The following PRKG1 variants were observed in gnomAD, a reference collection of about 807,000 sequenced individuals.
The protein encoded by PRKG1 is cGMP-dependent protein kinase 1.
PRKG1 carries 35 observed loss-of-function variants against 88.1 expected under a neutral mutation model. The observed-to-expected ratio is 0.40, with a 90% CI of 0.30 to 0.53. The LOEUF is 0.53. PRKG1 is among the 20% of genes least tolerant of loss of function. The pLI is 0.59. For missense variants in PRKG1, 540 were observed against 839.8 expected (o/e 0.64, Z 4.41); for synonymous variants, 303 against 292.5 (o/e 1.04, Z -0.37).
intron 1 of PRKG1, among the ~76,000 whole-genome samples, chr10:51,043,860 G>T (rs1013891640): frequency 2.0e-5 from 3 of 152,184 alleles, no homozygotes; most frequent in African/African-American, 7.2e-5. Context: ...TAGAGTTCTA[G>T]ATTGCTGACA....
intron 2 of PRKG1, among the ~76,000 whole-genome samples, chr10:51,155,665 T>C (rs961002917): frequency 1.3e-5 from 2 of 151,992 alleles, no homozygotes; most frequent in South Asian, 2.1e-4. Flanking sequence ...AATTTGTTTA[T>C]GTGATTGTGG....
chr10:51,128,390 A>T (rs1045612690), intron 1 of PRKG1, among the ~76,000 whole-genome samples: 3 of 152,196 alleles, frequency 2.0e-5, no homozygotes, highest in African/African-American at 7.2e-5. Context: ...TATTTTTATC[A>T]GTATTTTTGT....
At chr10:51,212,402 A>T (rs1281318440) in intron 2 of PRKG1, among the ~76,000 whole-genome samples, 2 of 152,234 alleles carry the variant, frequency 1.3e-5, no homozygotes, top group Non-Finnish European at 2.9e-5. Flanking sequence ...GGACATAAGC[A>T]TGGGCAAGGA....
intron 3 of PRKG1, among the ~76,000 whole-genome samples, chr10:51,709,121 T>C (rs1841680365): frequency 2.0e-5 from 3 of 152,186 alleles, no homozygotes; most frequent in Non-Finnish European, 4.4e-5. Flanking sequence ...TTTCCAAAAA[T>C]AGATCATTTT....
chr10:51,475,867 G>A (rs1011367147), intron 3 of PRKG1, among the ~76,000 whole-genome samples: 7 of 151,958 alleles, frequency 4.6e-5, no homozygotes, highest in East Asian at 1.9e-4. Context: ...AAAAAATTTC[G>A]TTTGATTTTT....
chr10:51,068,324 G>A (rs988127341), intron 1 of PRKG1, among the ~76,000 whole-genome samples: 1 of 151,836 alleles, frequency 6.6e-6, no homozygotes, highest in Non-Finnish European at 1.5e-5. Context: ...CTTTTTGCCT[G>A]CAAAGCCCCC....
At chr10:51,329,451 A>G (rs181947235) in intron 2 of PRKG1, among the ~76,000 whole-genome samples, 2 of 152,310 alleles carry the variant, frequency 1.3e-5, no homozygotes, top group Non-Finnish European at 2.9e-5. Flanking sequence ...CAAAAGACAT[A>G]AGTAATTTAC....
At chr10:51,988,660 C>T (rs981211944) in intron 5 of PRKG1, among the ~76,000 whole-genome samples, 1 of 152,018 alleles carries the variant, frequency 6.6e-6, no homozygotes, top group Middle Eastern at 3.2e-3. Context: ...TGTGAATTAT[C>T]TATGCATATC....
At chr10:52,071,281 C>T (rs778548922) in intron 7 of PRKG1, among the ~76,000 whole-genome samples, 6 of 152,120 alleles carry the variant, frequency 3.9e-5, no homozygotes, top group Admixed American at 1.3e-4. Context: ...AGATTTTCAA[C>T]CCTTGCCTCC....
chr10:51,231,763 A>G (rs974502946), intron 2 of PRKG1, among the ~76,000 whole-genome samples: 1 of 151,812 alleles, frequency 6.6e-6, no homozygotes, highest in Non-Finnish European at 1.5e-5. Flanking sequence ...TTTCTGGAGA[A>G]TTGATAAACT....
chr10:51,917,094 G>T (rs1473329947), intron 5 of PRKG1, among the ~76,000 whole-genome samples: 3 of 152,062 alleles, frequency 2.0e-5, no homozygotes, highest in Non-Finnish European at 4.4e-5. Context: ...GAGGCAGGCG[G>T]ATCACCTGAA....
chr10:51,452,738 T>G (rs1439586753), intron 2 of PRKG1, among the ~76,000 whole-genome samples: 1 of 151,992 alleles, frequency 6.6e-6, no homozygotes, highest in Admixed American at 6.6e-5. Flanking sequence ...TCAGGGATAT[T>G]GGTCTGTAGT....
At chr10:51,461,328 A>T (rs1839738645) in intron 2 of PRKG1, among the ~76,000 whole-genome samples, 1 of 152,196 alleles carries the variant, frequency 6.6e-6, no homozygotes, top group African/African-American at 2.4e-5. Context: ...GATGTCAAAG[A>T]AAAGTGACCT....
chr10:51,954,962 G>A (rs1288784164), intron 5 of PRKG1, among the ~76,000 whole-genome samples: 3 of 152,036 alleles, frequency 2.0e-5, no homozygotes, highest in Non-Finnish European at 2.9e-5. Flanking sequence ...ACCTTACCAT[G>A]TTTCTTTTTG....
At chr10:51,345,890 ATCTTGC>A (rs1842102851) in intron 2 of PRKG1, among the ~76,000 whole-genome samples, 1 of 152,198 alleles carries the variant, frequency 6.6e-6, no homozygotes, top group Admixed American at 6.5e-5. Context: ...TGAGTTCTGG[ATCTTGC>A]TCTTGATTCC....
At chr10:51,906,459 A>C (rs1842088669) in intron 4 of PRKG1, among the ~76,000 whole-genome samples, 1 of 152,188 alleles carries the variant, frequency 6.6e-6, no homozygotes, top group African/African-American at 2.4e-5. Context: ...CCATCAGTAC[A>C]TATAAGGTAT....
chr10:51,738,227 T>A (rs996223656), intron 3 of PRKG1, among the ~76,000 whole-genome samples: 2 of 152,178 alleles, frequency 1.3e-5, no homozygotes, highest in African/African-American at 4.8e-5. Flanking sequence ...AACTGTAAAG[T>A]GAAGAGGATG....
chr10:51,520,334 T>C (rs1309631303), intron 3 of PRKG1, among the ~76,000 whole-genome samples: 1 of 149,266 alleles, frequency 6.7e-6, no homozygotes, highest in Non-Finnish European at 1.5e-5. Flanking sequence ...ATATTACATA[T>C]TTTTATATAT....
rs566488986 is a variant in PRKG1, at chr10:51,835,757, G to A, written c.698+31067G>A. 1.6e-4 allele frequency among the ~76,000 whole-genome samples: 25 copies of A among 152,234 alleles called. No individual in the cohort carries two copies. The South Asian group carries it at 5.0e-3, about 30-fold the overall frequency. On this transcript the variant is annotated intron_variant, in intron 4 of 17. Transcript: ENST00000373980. ...AATTCCTTTGGATATATACCCATTA[G>A]TGGGATTGCTGGATCATATGGTAGT...
Sources: allele counts gnomAD v4.1 joint callset (sites outside exome capture counted in the v4.1 genomes callset), GRCh38; gene constraint gnomAD v4.1.1; transcripts MANE v1.5; gene names NCBI Gene and HGNC (gene_info 2026-07-23, HGNC 2026-07-21).